The following PLXDC2 variants were observed in gnomAD, a reference collection of about 807,000 sequenced individuals.
PLXDC2 encodes plexin domain containing 2.
Under a neutral mutation model 68.9 loss-of-function variants are expected in PLXDC2, and 40 were observed. That is an observed-to-expected ratio of 0.58 (90% CI 0.45 to 0.76). PLXDC2 has a LOEUF of 0.76. Ranked by LOEUF, PLXDC2 falls within the 30% of genes least tolerant of loss-of-function variation. PLXDC2 has a pLI of 0.00. For synonymous variants in PLXDC2, 243 were observed against 234.2 expected (o/e 1.04, Z -0.34); for missense variants, 644 against 661.9 (o/e 0.97, Z 0.30).
chr10:19,818,682 A>T (rs1836403188), intron 1 of PLXDC2, among the ~76,000 whole-genome samples: 1 of 152,142 alleles, frequency 6.6e-6, no homozygotes, highest in Admixed American at 6.5e-5. Context: ...ATGATTTATG[A>T]CAGTAGACTA....
At chr10:20,043,605 C>G (rs964561433) in intron 2 of PLXDC2, among the ~76,000 whole-genome samples, 1 of 151,916 alleles carries the variant, frequency 6.6e-6, no homozygotes, top group Non-Finnish European at 1.5e-5. Context: ...TTGTAATATT[C>G]CCTATTTATA....
chr10:20,234,117 G>A (rs953414744), intron 12 of PLXDC2, among the ~76,000 whole-genome samples: 4 of 151,906 alleles, frequency 2.6e-5, no homozygotes, highest in African/African-American at 4.8e-5. Context: ...GTGAGCCACC[G>A]TGCCCGGCCA....
chr10:19,822,499 G>T (rs887787392), intron 1 of PLXDC2, among the ~76,000 whole-genome samples: 3 of 152,094 alleles, frequency 2.0e-5, no homozygotes, highest in Non-Finnish European at 2.9e-5. Flanking sequence ...CAGAAGAGAG[G>T]TTGCTAGCTC....
intron 1 of PLXDC2, among the ~76,000 whole-genome samples, chr10:19,845,036 A>G (rs1836980864): frequency 6.6e-6 from 1 of 152,172 alleles, no homozygotes; most frequent in Non-Finnish European, 1.5e-5. Context: ...GTAGGAACCC[A>G]CTGGGACATG....
chr10:19,833,212 T>A (rs1836727508), intron 1 of PLXDC2, among the ~76,000 whole-genome samples: 2 of 152,188 alleles, frequency 1.3e-5, no homozygotes, highest in Non-Finnish European at 2.9e-5. Context: ...GTACCAGACA[T>A]AAAACCATAT....
intron 9 of PLXDC2, among the ~76,000 whole-genome samples, chr10:20,185,301 A>G (rs1355964190): frequency 1.3e-5 from 2 of 151,928 alleles, no homozygotes; most frequent in African/African-American, 4.8e-5. Flanking sequence ...GGGTGTATTA[A>G]GAGACAATGT....
intron 12 of PLXDC2, among the ~76,000 whole-genome samples, chr10:20,240,295 A>G (rs562178227): frequency 7.2e-5 from 11 of 152,278 alleles, no homozygotes; most frequent in African/African-American, 1.7e-4. Context: ...ATAGAATTCT[A>G]TGGTGTATAT....
rs918316137 is a variant in PLXDC2 at position 19,890,991 on chromosome 10, C to T, written c.112+73800C>T. 5.3e-5 allele frequency among the ~76,000 whole-genome samples: 8 copies of T among 152,076 alleles called. 1 individual carries two copies. The highest frequency in any genetic ancestry group is 1.9e-4 in the African/African-American group (8 of 41,394). ...TGCTTTCCTTGAGATTCCATCATTT[C>T]TGACTTTCCCATGTAGGGTCTAACT... On this transcript the variant is annotated intron_variant, in intron 1 of 13. Coordinates refer to ENST00000377252, the MANE Select transcript of PLXDC2 (RefSeq NM_032812.9).
chr10:20,025,266 GA>G (rs1404566269), intron 2 of PLXDC2, among the ~76,000 whole-genome samples: 3 of 83,588 alleles, frequency 3.6e-5, no homozygotes, highest in Non-Finnish European at 4.6e-5. Context: ...TTGTTTTTTC[GA>G]CTTTTTTTTT....
chr10:20,225,141 T>G (rs1051743588), intron 12 of PLXDC2, among the ~76,000 whole-genome samples: 1 of 152,210 alleles, frequency 6.6e-6, no homozygotes, highest in South Asian at 2.1e-4. Context: ...CTATTTCTGT[T>G]GCATTTAGCT....
intron 1 of PLXDC2, among the ~76,000 whole-genome samples, chr10:19,979,859 G>A (rs1834522401): frequency 6.6e-6 from 1 of 152,186 alleles, no homozygotes; most frequent in African/African-American, 2.4e-5. Context: ...CATTTCCACA[G>A]TGGAGAAATG....
At chr10:20,090,469 C>A (rs200691340) in intron 4 of PLXDC2, among the ~76,000 whole-genome samples, 1 of 28,626 alleles carries the variant, frequency 3.5e-5, no homozygotes, top group Non-Finnish European at 5.3e-5. Flanking sequence ...AGTTTTTTTA[C>A]CCCCATGCCC....
intron 4 of PLXDC2, among the ~76,000 whole-genome samples, chr10:20,098,346 C>CGTGTGTGTGTGTGTGTGTGTGTGT: frequency 9.7e-6 from 1 of 103,118 alleles, no homozygotes; most frequent in Admixed American, 1.0e-4. Flanking sequence ...CATTTTCGTG[C>CGTGTGTGTGTGTGTGTGTGTGTGT]GTGTGTGTGT....
At chr10:20,027,230 T>C (rs1292760347) in intron 2 of PLXDC2, among the ~76,000 whole-genome samples, 1 of 151,972 alleles carries the variant, frequency 6.6e-6, no homozygotes, top group Non-Finnish European at 1.5e-5. Context: ...CCAGAATTCA[T>C]ATGATTGAGG....
At chr10:19,885,686 G>T (rs1170166937) in intron 1 of PLXDC2, among the ~76,000 whole-genome samples, 2 of 151,550 alleles carry the variant, frequency 1.3e-5, no homozygotes, top group African/African-American at 4.8e-5. Context: ...TTATTTCTGA[G>T]GGCTCTGTTC....
rs1235404236 is a variant in PLXDC2, at chr10:19,988,793, T to A, written c.113-12982T>A. ...TAATGCCACTTTTTTTTTTTTTTTT[T>A]TTTTTTTTTTTTTTTTTTTTGAGAT... On this transcript the variant is annotated intron_variant, in intron 1 of 13. Transcript: ENST00000377252. Among the ~76,000 whole-genome samples the A allele has an allele frequency of 3.4e-5, 4 of 118,334 alleles. No homozygotes were observed. In the South Asian group the frequency reaches 1.3e-3, roughly 38 times the overall value. 77.6% of individuals were successfully genotyped at this position (118,334 alleles called of 152,430 possible).
intron 1 of PLXDC2, among the ~76,000 whole-genome samples, chr10:19,848,611 A>G (rs1292472213): frequency 6.6e-6 from 1 of 152,236 alleles, no homozygotes; most frequent in Non-Finnish European, 1.5e-5. Flanking sequence ...AAAAGTACCA[A>G]AAGAAGAAAT....
At chr10:20,267,339 A>G (rs912790245) in intron 13 of PLXDC2, among the ~76,000 whole-genome samples, 1 of 152,178 alleles carries the variant, frequency 6.6e-6, no homozygotes, top group Non-Finnish European at 1.5e-5. Flanking sequence ...AAGAACATGG[A>G]GAATATGAGA....
At position 20,238,699 on chromosome 10, in the gene PLXDC2, A is replaced by C. The variant is rs957384064; in HGVS notation, c.1313-6646A>C. ...TATGTATATATATATATATACACAC[A>C]TATATATGTGTATATATACACATAT... On this transcript the variant is annotated intron_variant, in intron 12 of 13. Transcript: ENST00000377252. Among the ~76,000 whole-genome samples the C allele has an allele frequency of 4.7e-4, 64 of 135,232 alleles. 2 individuals carry two copies. Among genetic ancestry groups the C allele is most frequent in the African/African-American group, 1.7e-3 (60 of 36,224 alleles). 88.7% of individuals were successfully genotyped at this position (135,232 alleles called of 152,430 possible).
Sources: allele counts gnomAD v4.1 joint callset (sites outside exome capture counted in the v4.1 genomes callset), GRCh38; gene constraint gnomAD v4.1.1; transcripts MANE v1.5; gene names NCBI Gene and HGNC (gene_info 2026-07-23, HGNC 2026-07-21).